Variants in MIR2052HG observed in about 807,000 individuals in gnomAD.
The protein encoded by MIR2052HG is MIR2052 host gene.
intron 2 of MIR2052HG, among the ~76,000 whole-genome samples, chr8:74,634,069 G>T (rs1808552121): frequency 6.6e-6 from 1 of 152,166 alleles, no homozygotes; most frequent in African/African-American, 2.4e-5. Context: ...TTTCAGTAAG[G>T]TGGAGAGGCT....
At chr8:74,657,919 A>G (rs1412541826) in intron 2 of MIR2052HG, among the ~76,000 whole-genome samples, 4 of 152,150 alleles carry the variant, frequency 2.6e-5, no homozygotes, top group Non-Finnish European at 5.9e-5. Flanking sequence ...CAAGATCCCT[A>G]GGTGATTCAC....
intron 1 of MIR2052HG, among the ~76,000 whole-genome samples, chr8:74,601,575 T>C (rs1198560230): frequency 6.6e-6 from 1 of 152,238 alleles, no homozygotes; most frequent in Non-Finnish European, 1.5e-5. Context: ...TCAAACTTTA[T>C]ATTGAATTAT....
intron 2 of MIR2052HG, among the ~76,000 whole-genome samples, chr8:74,635,240 A>AT (rs199652112): frequency 0.023 from 3,388 of 145,474 alleles, 88 homozygotes; most frequent in Admixed American, 0.061. Context: ...ACAAAAACAG[A>AT]TTTTTTTTTT....
At chr8:74,704,079 C>T (rs1024003787) in intron 4 of MIR2052HG, among the ~76,000 whole-genome samples, 1 of 151,834 alleles carries the variant, frequency 6.6e-6, no homozygotes, top group African/African-American at 2.4e-5. Context: ...GAACATCTGG[C>T]TAATGGGAAA....
chr8:74,723,369 C>T (rs1373735457), intron 4 of MIR2052HG, among the ~76,000 whole-genome samples: 1 of 152,176 alleles, frequency 6.6e-6, no homozygotes, highest in African/African-American at 2.4e-5. Flanking sequence ...AAGATTACAA[C>T]ACATAAACAC....
intron 2 of MIR2052HG, among the ~76,000 whole-genome samples, chr8:74,654,288 A>G (rs1472657220): frequency 6.6e-6 from 1 of 152,134 alleles, no homozygotes; most frequent in Non-Finnish European, 1.5e-5. Flanking sequence ...AAAGGAGACT[A>G]TGACTGACTG....
At chr8:74,662,858 TTGTGTGTG>T (rs68089808) in intron 2 of MIR2052HG, among the ~76,000 whole-genome samples, 519 of 144,294 alleles carry the variant, frequency 3.6e-3, no homozygotes, top group African/African-American at 7.9e-3. Flanking sequence ...AATGACTCAT[TTGTGTGTG>T]TGTGTGTGTG....
chr8:74,645,787 C>A (rs1335502823), intron 2 of MIR2052HG, among the ~76,000 whole-genome samples: 1 of 152,188 alleles, frequency 6.6e-6, no homozygotes, highest in African/African-American at 2.4e-5. Context: ...CAACATGTAT[C>A]TCTCAAATTT....
intron 4 of MIR2052HG, among the ~76,000 whole-genome samples, chr8:74,750,695 A>G (rs936968866): frequency 6.6e-6 from 1 of 152,212 alleles, no homozygotes; most frequent in Non-Finnish European, 1.5e-5. Context: ...CAGGACCATC[A>G]TAACTCTTGC....
In MIR2052HG at chr8:74,748,434, GA is replaced by G. The variant is rs1809909720; in HGVS notation, n.372-4006del. On this transcript the variant is annotated intron_variant and non_coding_transcript_variant, in intron 4 of 6. Coordinates refer to ENST00000523442, the Ensembl canonical transcript of MIR2052HG. ...TCTCTTGTTGAACACCACTAGTGGA[GA>G]CAATGAAAGAAGAAAAATGCAATAT... 2.0e-5 allele frequency among the ~76,000 whole-genome samples: 3 copies of G among 152,184 alleles called. No individual in the cohort carries two copies. In the South Asian group the frequency reaches 6.2e-4, roughly 32 times the overall value.
chr8:74,745,865 C>A (rs971200659), intron 4 of MIR2052HG, among the ~76,000 whole-genome samples: 9 of 152,092 alleles, frequency 5.9e-5, no homozygotes, highest in Non-Finnish European at 1.2e-4. Flanking sequence ...CCAGGATGAC[C>A]ATGTGCCAAG....
intron 4 of MIR2052HG, among the ~76,000 whole-genome samples, chr8:74,750,260 T>A (rs1809930544): frequency 6.6e-6 from 1 of 152,168 alleles, no homozygotes; most frequent in East Asian, 1.9e-4. Flanking sequence ...AAGTGAAAAA[T>A]CAAGACCATG....
At chr8:74,727,399 A>G (rs1809647545) in intron 4 of MIR2052HG, among the ~76,000 whole-genome samples, 1 of 152,212 alleles carries the variant, frequency 6.6e-6, no homozygotes. Flanking sequence ...TTTGTATTAC[A>G]TATTTGTTTC....
At chr8:74,667,228 G>T (rs1207706904) in intron 2 of MIR2052HG, among the ~76,000 whole-genome samples, 1 of 152,168 alleles carries the variant, frequency 6.6e-6, no homozygotes, top group African/African-American at 2.4e-5. Context: ...CTTATCTGAG[G>T]CCATCTTTGG....
chr8:74,666,647 C>A (rs186321880), intron 2 of MIR2052HG, among the ~76,000 whole-genome samples: 4 of 152,226 alleles, frequency 2.6e-5, no homozygotes, highest in Middle Eastern at 3.4e-3. Flanking sequence ...TAAGTAAATG[C>A]CCAGCATTCT....
At chr8:74,666,841 G>A (rs967923234) in intron 2 of MIR2052HG, among the ~76,000 whole-genome samples, 7 of 152,106 alleles carry the variant, frequency 4.6e-5, no homozygotes, top group South Asian at 2.1e-4. Flanking sequence ...ATGGTCCTGC[G>A]TGTCTGCTGG....
intron 2 of MIR2052HG, among the ~76,000 whole-genome samples, chr8:74,654,174 T>C (rs528628306): frequency 2.6e-5 from 4 of 152,094 alleles, no homozygotes; most frequent in African/African-American, 9.6e-5. Context: ...TCATTTTCAG[T>C]TAGAGGAGTT....
intron 2 of MIR2052HG, among the ~76,000 whole-genome samples, chr8:74,614,473 C>G (rs527681909): frequency 1.3e-5 from 2 of 152,160 alleles, no homozygotes; most frequent in South Asian, 4.1e-4. Context: ...AACTTATTGT[C>G]TCATTCTTTA....
chr8:74,671,247 T>C (rs1485729297), intron 2 of MIR2052HG, among the ~76,000 whole-genome samples: 1 of 152,088 alleles, frequency 6.6e-6, no homozygotes, highest in Non-Finnish European at 1.5e-5. Flanking sequence ...ACAGCTATCT[T>C]AGGATAGCTA....
Sources: gnomAD v4.1 joint callset for allele counts (sites outside exome capture counted in the v4.1 genomes callset) on GRCh38, gnomAD v4.1.1 for gene constraint, MANE v1.5 for transcripts, NCBI Gene and HGNC (gene_info 2026-07-23, HGNC 2026-07-21) for gene names.